The following GRTP1 variants were observed in gnomAD, a reference collection of about 807,000 sequenced individuals.
GRTP1 encodes growth hormone regulated TBC protein 1.
In GRTP1, 56 loss-of-function variants were observed where a neutral mutation model predicts 38.1. The observed-to-expected ratio is 1.47, with a 90% CI of 1.19 to 1.84. The LOEUF is 1.84. GRTP1 is among the 40% of genes most tolerant of loss of function. The probability of loss-of-function intolerance (pLI) is 0.00; values close to 1 mark genes in which losing one functional copy is unlikely to be tolerated. For synonymous variants in GRTP1, 217 were observed against 189.5 expected (o/e 1.14, Z -1.19); for missense variants, 506 against 453.9 (o/e 1.11, Z -1.04).
At position 113,342,596 on chromosome 13, in the gene GRTP1, G is replaced by C. The variant is rs1319397776; in HGVS notation, c.562+2267C>G. Among the ~76,000 whole-genome samples the C allele has an allele frequency of 2.0e-5, 3 of 151,874 alleles. No individual in the cohort carries two copies. The highest frequency in any genetic ancestry group is 6.6e-5 in the Admixed American group (1 of 15,232). ...AACTTAAAAGCAGCAATTAAGAGCAGGATAACAGTGGCACTGAAACGACCT... is the reference window on the plus strand; with the variant it reads ...AACTTAAAAGCAGCAATTAAGAGCACGATAACAGTGGCACTGAAACGACCT... On this transcript the variant is annotated intron_variant, in intron 5 of 7. Coordinates refer to ENST00000375431, the MANE Select transcript of GRTP1 (RefSeq NM_024719.4). The surrounding 1 kb of genome is among the most constrained non-coding windows in gnomAD (Gnocchi z 4.5).
At chr13:113,347,438 G>A (rs1439301489) in intron 4 of GRTP1, among the ~76,000 whole-genome samples, 3 of 108,188 alleles carry the variant, frequency 2.8e-5, no homozygotes, top group African/African-American at 4.2e-5. Context: ...GGACCTCTGT[G>A]GCTGAGAGCA....
intron 4 of GRTP1, among the ~76,000 whole-genome samples, chr13:113,346,080 A>G (rs1322718053): frequency 0.052 from 339 of 6,548 alleles, 13 homozygotes; most frequent in Non-Finnish European, 0.069. Flanking sequence ...GCGGCTGAGC[A>G]GACCTGGGAA....
intron 5 of GRTP1, among the ~76,000 whole-genome samples, chr13:113,330,950 ACCAGGTGTGTGCATGGGAGC>A (rs2042860455): frequency 1.2e-5 from 1 of 83,596 alleles, no homozygotes; most frequent in African/African-American, 4.8e-5. Flanking sequence ...TGCATGGAAA[ACCAGGTGTGTGCATGGGAGC>A]CCAGTGTGTG....
In GRTP1 at chr13:113,325,694, C is replaced by T. The variant is rs1419114120; in HGVS notation, c.888G>A (p.Gly296=). 1 of 1,614,244 alleles carries T rather than the reference C, an allele frequency of 6.2e-7. No homozygotes were observed. Among genetic ancestry groups the T allele is most frequent in the Admixed American group, 1.7e-5 (1 of 60,036 alleles). Residue 296 remains glycine, a synonymous_variant, in exon 7 of 8, where the codon GGG becomes GGA. Transcript: ENST00000375431. Reference sequence around the variant, plus strand: ...ACGTGTGACACTCCATCACGAAACTCCCTTTGGTTATCTGCTTAAACTTAT... The same window carrying T: ...ACGTGTGACACTCCATCACGAAACTTCCTTTGGTTATCTGCTTAAACTTAT... The part of the protein sequence containing the change: ...ICDKFKQITK[G]SFVMECHTFM...
At chr13:113,362,362 A>G (rs1214800550) in intron 2 of GRTP1, among the ~76,000 whole-genome samples, 2 of 152,174 alleles carry the variant, frequency 1.3e-5, no homozygotes, top group Non-Finnish European at 2.9e-5. Context: ...ATAAATGAAA[A>G]GGAAAAATAA....
intron 2 of GRTP1, among the ~76,000 whole-genome samples, chr13:113,357,338 G>A (rs186069944): frequency 1.2e-3 from 177 of 150,720 alleles, no homozygotes; most frequent in Admixed American, 2.4e-3. Context: ...CTAGCTACTC[G>A]GCAGACTGAG....
chr13:113,331,971 A>T (rs562135188), intron 5 of GRTP1, among the ~76,000 whole-genome samples: 11 of 151,056 alleles, frequency 7.3e-5, no homozygotes, highest in African/African-American at 1.9e-4. Context: ...GTTTACATTT[A>T]AAAAAAGGTA....
chr13:113,351,278 C>T lies in GRTP1; in HGVS notation c.341-305G>A, dbSNP rs775573144. Among the ~76,000 whole-genome samples the T allele has an allele frequency of 2.0e-5, 3 of 152,328 alleles. No homozygotes were observed. In the South Asian group the frequency reaches 6.2e-4, roughly 32 times the overall value. The stretch of plus-strand genomic sequence containing the variant: ...TCCCTCCTCAATGCCCGTCTCCTCC[C>T]GGCCCCCAGCACAGGCCTCCTGCAC... On this transcript the variant is annotated intron_variant, in intron 3 of 7. Transcript: ENST00000375431.
At chr13:113,352,236 A>ATATATATTTT (rs2043281333) in intron 3 of GRTP1, among the ~76,000 whole-genome samples, 1 of 95,870 alleles carries the variant, frequency 1.0e-5, no homozygotes, top group Non-Finnish European at 2.0e-5. Context: ...CTATATTTAT[A>ATATATATTTT]TATATATTTA....
intron 4 of GRTP1, among the ~76,000 whole-genome samples, chr13:113,347,572 A>G (rs76707289): frequency 0.086 from 1,438 of 16,796 alleles, 17 homozygotes; most frequent in Middle Eastern, 0.28. Flanking sequence ...GAGCAGACCC[A>G]GGAGGACCTC....
chr13:113,337,262 T>C (rs1595484390), intron 5 of GRTP1, among the ~76,000 whole-genome samples: 1 of 152,200 alleles, frequency 6.6e-6, no homozygotes, highest in Non-Finnish European at 1.5e-5. Flanking sequence ...GCCACTGTAC[T>C]CCAGCCTGGC....
chr13:113,341,700 T>C (rs190807611), intron 5 of GRTP1, among the ~76,000 whole-genome samples: 82 of 152,376 alleles, frequency 5.4e-4, no homozygotes, highest in Admixed American at 8.5e-4. Context: ...TTCATGTGTA[T>C]GTTTATATCG....
intron 5 of GRTP1, among the ~76,000 whole-genome samples, chr13:113,333,871 G>GTGTA (rs1467211161): frequency 7.0e-5 from 10 of 143,754 alleles, no homozygotes; most frequent in African/African-American, 2.3e-4. Context: ...GTGTGTGTGT[G>GTGTA]TGTCCGAGGC....
At chr13:113,360,509 AT>A (rs1234076584) in intron 2 of GRTP1, among the ~76,000 whole-genome samples, 1 of 152,192 alleles carries the variant, frequency 6.6e-6, no homozygotes, top group Non-Finnish European at 1.5e-5. Context: ...TGGTATTCCC[AT>A]TTTTGGAATA....
intron 5 of GRTP1, among the ~76,000 whole-genome samples, chr13:113,330,164 CATGGGAGCCCAGGTGCGTGG>C (rs2042838952): frequency 6.8e-6 from 1 of 148,044 alleles, no homozygotes; most frequent in Admixed American, 6.7e-5. Flanking sequence ...CAGGTGCGTG[CATGGGAGCCCAGGTGCGTGG>C]ATGGAAACCC....
rs1214196248 is a variant in GRTP1, at chr13:113,364,018, A to G, written c.32+2T>C. The G allele has an allele frequency of 7.5e-7, 1 of 1,324,710 alleles. No individual in the cohort carries two copies. Among genetic ancestry groups the G allele is most frequent in the African/African-American group, 1.6e-5 (1 of 62,980 alleles). 82.1% of individuals were successfully genotyped at this position (1,324,710 alleles called of 1,614,324 possible). ...GGGACGCCCGCACCCCGCGCCACACACCTGGGGACCCGCGAGCGCTCGGCG... is the reference window on the plus strand; with the variant it reads ...GGGACGCCCGCACCCCGCGCCACACGCCTGGGGACCCGCGAGCGCTCGGCG... On this transcript the variant is annotated splice_donor_variant, in intron 1 of 7. Coordinates refer to ENST00000375431, the MANE Select transcript of GRTP1 (RefSeq NM_024719.4). LOFTEE classifies it high-confidence loss of function.
At position 113,346,104 on chromosome 13, in the gene GRTP1, GAGA is replaced by G. The variant is rs1566429152; in HGVS notation, c.466-1148_466-1146del. ...CAGACCTGGGAAGACATCTGTGGCC[GAGA>G]ACAGACCCGGGAGGACCTCTGTGGA... On this transcript the variant is annotated intron_variant, in intron 4 of 7. Coordinates refer to ENST00000375431, the MANE Select transcript of GRTP1 (RefSeq NM_024719.4). Among the ~76,000 whole-genome samples, 287 of 80,566 alleles carry G rather than the reference GAGA, an allele frequency of 3.6e-3. 58 individuals are homozygous for G. Among genetic ancestry groups the G allele is most frequent in the Admixed American group, 4.2e-3 (33 of 7,812 alleles). The allele number at this position is 80,566 out of a possible 152,430, so 52.9% of individuals were successfully genotyped here.
In GRTP1 at chr13:113,348,455, G is replaced by A. The variant is rs1273027578; in HGVS notation, c.465+2394C>T. On this transcript the variant is annotated intron_variant, in intron 4 of 7. Coordinates refer to ENST00000375431, the MANE Select transcript of GRTP1 (RefSeq NM_024719.4). This position sits in a 1 kb window ranked among gnomAD's most constrained non-coding sequence, Gnocchi z 4.8. ...GACAGAGCGAGACCGTGTGCACTGT[G>A]TAACTCTACACATATGCCACACATT... 2.0e-5 allele frequency among the ~76,000 whole-genome samples: 3 copies of A among 152,144 alleles called. No homozygotes were observed. The highest frequency in any genetic ancestry group is 4.4e-5 in the Non-Finnish European group (3 of 68,036).
intron 7 of GRTP1, 115 bp downstream of exon 7, chr13:113,325,546 C>T: frequency 1.9e-6 from 3 of 1,573,074 alleles, no homozygotes; most frequent in Non-Finnish European, 2.6e-6. Flanking sequence ...CATCCTGTGC[C>T]CTATGCCCAC....
Sources: allele counts gnomAD v4.1 joint callset (sites outside exome capture counted in the v4.1 genomes callset), GRCh38; gene constraint gnomAD v4.1.1; non-coding constraint Gnocchi (gnomAD v3.1); transcripts MANE v1.5; gene names NCBI Gene and HGNC (gene_info 2026-07-23, HGNC 2026-07-21).